Variants in TAFA1 observed in about 807,000 individuals in gnomAD.
TAFA1 encodes chemokine-like protein TAFA-1.
TAFA1 carries 4 observed loss-of-function variants against 18.5 expected under a neutral mutation model. That is an observed-to-expected ratio of 0.22 (90% CI 0.11 to 0.49). The LOEUF is 0.49. TAFA1 is among the 20% of genes least tolerant of loss of function. The pLI, the probability that TAFA1 is intolerant of heterozygous loss-of-function variation, is 0.98. For synonymous variants in TAFA1, 56 were observed against 55.2 expected (o/e 1.01, Z -0.06); for missense variants, 147 against 169.0 (o/e 0.87, Z 0.72).
chr3:68,139,506 T>A (rs2065645155), intron 2 of TAFA1, among the ~76,000 whole-genome samples: 1 of 152,070 alleles, frequency 6.6e-6, no homozygotes, highest in Admixed American at 6.6e-5. Context: ...AAAGACAGAG[T>A]CTGTGGCCAT....
chr3:68,286,320 C>G (rs768924809), intron 2 of TAFA1, among the ~76,000 whole-genome samples: 1 of 152,012 alleles, frequency 6.6e-6, no homozygotes, highest in Non-Finnish European at 1.5e-5. Context: ...AATGAGTCTA[C>G]GTTAGTCCAC....
At chr3:68,482,808 G>A (rs1351246404) in intron 3 of TAFA1, among the ~76,000 whole-genome samples, 4 of 152,168 alleles carry the variant, frequency 2.6e-5, no homozygotes, top group African/African-American at 9.7e-5. Context: ...GCCACCATAA[G>A]TAGAAAATCT....
chr3:68,529,661 G>A (rs2073161586), intron 3 of TAFA1, among the ~76,000 whole-genome samples: 1 of 152,126 alleles, frequency 6.6e-6, no homozygotes, highest in African/African-American at 2.4e-5. Context: ...CATGGCAGAA[G>A]GTGAAGGGGA....
intron 3 of TAFA1, among the ~76,000 whole-genome samples, chr3:68,482,072 G>A (rs1377627771): frequency 6.6e-5 from 10 of 152,218 alleles, no homozygotes; most frequent in Admixed American, 1.3e-4. Context: ...GTGCAGTGGC[G>A]CGATCTTGAC....
intron 2 of TAFA1, among the ~76,000 whole-genome samples, chr3:68,080,588 G>C (rs1270264954): frequency 2.0e-5 from 3 of 152,056 alleles, no homozygotes; most frequent in Non-Finnish European, 2.9e-5. Context: ...AGTTTGGCTG[G>C]ATATGAAATT....
At chr3:68,257,355 G>T (rs1300483316) in intron 2 of TAFA1, among the ~76,000 whole-genome samples, 1 of 151,818 alleles carries the variant, frequency 6.6e-6, no homozygotes, top group Non-Finnish European at 1.5e-5. Context: ...ATAATTTGTG[G>T]TGTCATGTTT....
At chr3:68,348,323 C>T (rs966337301) in intron 2 of TAFA1, among the ~76,000 whole-genome samples, 1 of 152,116 alleles carries the variant, frequency 6.6e-6, no homozygotes, top group African/African-American at 2.4e-5. Context: ...TTTTATGTAT[C>T]ATTATACTCA....
At chr3:68,488,949 T>C (rs2072400680) in intron 3 of TAFA1, among the ~76,000 whole-genome samples, 1 of 152,212 alleles carries the variant, frequency 6.6e-6, no homozygotes, top group African/African-American at 2.4e-5. Flanking sequence ...CCGACATTTA[T>C]TATGCACTTA....
upstream of TAFA1, among the ~76,000 whole-genome samples, chr3:68,003,013 C>T (rs541708352): frequency 3.9e-5 from 6 of 152,280 alleles, no homozygotes; most frequent in South Asian, 1.2e-3. Flanking sequence ...TCTGTACACA[C>T]TCATGAACAA....
intron 3 of TAFA1, among the ~76,000 whole-genome samples, chr3:68,465,369 T>C (rs1395044807): frequency 1.3e-5 from 2 of 152,158 alleles, no homozygotes; most frequent in African/African-American, 4.8e-5. Flanking sequence ...TATAACCATC[T>C]ATGACTAGAC....
At chr3:68,089,040 G>T (rs1486502574) in intron 2 of TAFA1, among the ~76,000 whole-genome samples, 1 of 152,100 alleles carries the variant, frequency 6.6e-6, no homozygotes, top group Non-Finnish European at 1.5e-5. Flanking sequence ...GTGTCCTGAG[G>T]TTTTCATGAG....
intron 2 of TAFA1, among the ~76,000 whole-genome samples, chr3:68,021,470 T>C (rs1704689104): frequency 6.6e-6 from 1 of 152,158 alleles, no homozygotes; most frequent in Non-Finnish European, 1.5e-5. Flanking sequence ...CTTACAATAA[T>C]CCATCACCCT....
At chr3:68,499,442 C>CTTT (rs765191097) in intron 3 of TAFA1, among the ~76,000 whole-genome samples, 24 of 87,972 alleles carry the variant, frequency 2.7e-4, no homozygotes, top group East Asian at 1.4e-3. Context: ...TTCTGTGTTC[C>CTTT]TTTCTTTTTT....
chr3:68,470,386 G>A (rs1575896832), intron 3 of TAFA1, among the ~76,000 whole-genome samples: 2 of 152,312 alleles, frequency 1.3e-5, no homozygotes, highest in Admixed American at 1.3e-4. Context: ...AAATGTGGAA[G>A]CTAATTTGGA....
intron 4 of TAFA1, among the ~76,000 whole-genome samples, chr3:68,540,809 T>C (rs1054780352): frequency 1.3e-5 from 2 of 152,184 alleles, no homozygotes; most frequent in Non-Finnish European, 2.9e-5. Context: ...GAAACATAGA[T>C]TGTTAATGCT....
Position 68,183,043 on chromosome 3 carries a change from C to T in TAFA1, c.118+176299C>T, listed in dbSNP as rs557166366. 1.7e-3 allele frequency among the ~76,000 whole-genome samples: 263 copies of T among 152,254 alleles called. 3 individuals are homozygous for T. The highest frequency in any genetic ancestry group is 6.1e-3 in the African/African-American group (255 of 41,562). On this transcript the variant is annotated intron_variant, in intron 2 of 4. Coordinates refer to ENST00000478136, the MANE Select transcript of TAFA1 (RefSeq NM_213609.4). ...CAAATAATTATCCTATCAGAAAATT[C>T]TTGCACTACTCAATACATTTGACCT...
At chr3:68,360,054 C>T (rs1272938656) in intron 2 of TAFA1, among the ~76,000 whole-genome samples, 1 of 151,886 alleles carries the variant, frequency 6.6e-6, no homozygotes, top group Non-Finnish European at 1.5e-5. Flanking sequence ...CAATCAATGC[C>T]TCTCCATTAT....
At chr3:68,095,158 C>T (rs528825330) in intron 2 of TAFA1, among the ~76,000 whole-genome samples, 34 of 152,240 alleles carry the variant, frequency 2.2e-4, no homozygotes, top group Non-Finnish European at 4.7e-4. Context: ...TCCCTGGACA[C>T]TCCTGTTCTT....
intron 2 of TAFA1, among the ~76,000 whole-genome samples, chr3:68,065,765 TACAC>T (rs57317058): frequency 3.8e-4 from 23 of 60,130 alleles, no homozygotes; most frequent in African/African-American, 1.2e-3. Context: ...TATATATATA[TACAC>T]ACACATTACC....
Sources: gnomAD v4.1 joint callset for allele counts (sites outside exome capture counted in the v4.1 genomes callset) on GRCh38, gnomAD v4.1.1 for gene constraint, MANE v1.5 for transcripts, NCBI Gene and HGNC (gene_info 2026-07-23, HGNC 2026-07-21) for gene names.